WASF3: variants seen among roughly 807,000 people sequenced by gnomAD.
WASF3 encodes the protein actin-binding protein WASF3.
Under a neutral mutation model 46.6 loss-of-function variants are expected in WASF3, and 11 were observed. The observed-to-expected ratio is 0.24, with a 90% CI of 0.15 to 0.39. The LOEUF (loss-of-function observed/expected upper bound fraction) is 0.39. Among genes scored for constraint, WASF3 ranks in the 10% least tolerant of loss-of-function variants. The pLI is 1.00. For synonymous variants in WASF3, 242 were observed against 259.7 expected, an observed-to-expected ratio of 0.93 and a Z score of 0.65; for missense variants, 576 against 669.8, an observed-to-expected ratio of 0.86 and a Z score of 1.55.
chr13:26,681,460 T>G, intron 8 of WASF3, 140 bp downstream of exon 8: 15 of 1,051,306 alleles, frequency 1.4e-5, no homozygotes, highest in South Asian at 3.6e-5. Flanking sequence ...CTAGCAACTC[T>G]AACATTCTGT....
intron 7 of WASF3, among the ~76,000 whole-genome samples, chr13:26,678,330 T>C (rs564109617): frequency 6.6e-6 from 1 of 152,294 alleles, no homozygotes; most frequent in Non-Finnish European, 1.5e-5. Flanking sequence ...ATCTGGAAGT[T>C]ACAGGAAAAA....
intron 1 of WASF3, among the ~76,000 whole-genome samples, chr13:26,601,644 A>G (rs635645): frequency 0.014 from 2,099 of 152,368 alleles, 55 homozygotes; most frequent in African/African-American, 0.047. Context: ...GAGGATTTCA[A>G]ATATCAGAAT....
chr13:26,629,027 C>A lies in WASF3; in HGVS notation c.-10-13234C>A, dbSNP rs906303007. Among the ~76,000 whole-genome samples the A allele has an allele frequency of 2.6e-5, 4 of 152,268 alleles. No homozygotes were observed. In the East Asian group the frequency reaches 7.7e-4, roughly 29 times the overall value. On this transcript the variant is annotated intron_variant, in intron 2 of 9. Transcript: ENST00000335327. ...TGGCCCAGCGTTCATTGGGATGGAC[C>A]CGCGTTGGGTGGTTTGATATGTGAT...
Position 26,576,706 on chromosome 13 carries a change from T to C in WASF3, c.-109+18887T>C, listed in dbSNP as rs1451033191. Among the ~76,000 whole-genome samples, 3 of 152,234 alleles carry C rather than the reference T, an allele frequency of 2.0e-5. No homozygotes were observed. In the East Asian group the frequency reaches 5.8e-4, roughly 29 times the overall value. On this transcript the variant is annotated intron_variant, in intron 1 of 9. Transcript: ENST00000335327. ...CATTTTTCATAGTTTGTTGTTAGTA[T>C]GTAGAATTACAGTTAACTTTAAAAA...
chr13:26,563,127 T>C (rs1192174039), intron 1 of WASF3, among the ~76,000 whole-genome samples: 1 of 151,810 alleles, frequency 6.6e-6, no homozygotes, highest in Non-Finnish European at 1.5e-5. Context: ...TTTGCTGTCC[T>C]GTTCTGACAG....
chr13:26,685,979 C>A lies in WASF3; in HGVS notation c.*134C>A. ...ACAATGTGATATTGCTTCTGCACAT[C>A]CAAAAATTCTGGGTCTTTTCAGTAT... On this transcript the variant is annotated 3_prime_UTR_variant, in exon 10 of 10. Coordinates refer to ENST00000335327, the MANE Select transcript of WASF3 (RefSeq NM_006646.6). The A allele has an allele frequency of 7.9e-7, 1 of 1,266,384 alleles. No individual in the cohort carries two copies. The highest frequency in any genetic ancestry group is 2.5e-4 in the Middle Eastern group (1 of 4,020). The allele number at this position is 1,266,384 out of a possible 1,614,324, so 78.4% of individuals were successfully genotyped here. A position where few individuals can be genotyped will look rare whatever the true frequency, so the allele number is the denominator to read the frequency against.
chr13:26,608,206 G>T (rs1880862170), intron 1 of WASF3, among the ~76,000 whole-genome samples: 1 of 152,124 alleles, frequency 6.6e-6, no homozygotes. Context: ...GCCATATCAG[G>T]CATGGGTTCC....
chr13:26,684,910 C>CT (rs959684379), intron 9 of WASF3, among the ~76,000 whole-genome samples: 1 of 152,088 alleles, frequency 6.6e-6, no homozygotes, highest in East Asian at 1.9e-4. Context: ...TTGCAAGACT[C>CT]TATCTCTACA....
Position 26,682,866 on chromosome 13 carries a change from T to C in WASF3, c.1243T>C (p.Ser415Pro), listed in dbSNP as rs1419402808. Reference sequence around the variant, plus strand: ...CCCTCCTGGTCCCGGGTCTTCTCTTTCGTCCTCCCCAATGCATGGCCCCCC... The same window carrying C: ...CCCTCCTGGTCCCGGGTCTTCTCTTCCGTCCTCCCCAATGCATGGCCCCCC... ...PGPPGPGSSL[S>P]SSPMHGPPVA... Residue 415 changes from serine (S) to proline (P), a missense_variant, in exon 9 of 10, where the codon TCG becomes CCG. This residue lies in a region of WASF3 where 295 missense variants were observed against 291.5 expected (regional missense o/e 1.01). Coordinates refer to ENST00000335327, the MANE Select transcript of WASF3 (RefSeq NM_006646.6). The surrounding 1 kb of genome is among the most constrained non-coding windows in gnomAD (Gnocchi z 4.4). 1.9e-6 allele frequency: 3 copies of C among 1,611,924 alleles called. No individual in the cohort carries two copies. The highest frequency in any genetic ancestry group is 4.5e-5 in the East Asian group (2 of 44,844).
At chr13:26,557,677 G>A, upstream of WASF3, 1 of 162,066 alleles carries the variant, frequency 6.2e-6, no homozygotes, top group South Asian at 1.9e-4. Context: ...GGGCGTGGCC[G>A]CGGCCGTGGA....
At chr13:26,627,611 A>G (rs1194995038) in intron 2 of WASF3, among the ~76,000 whole-genome samples, 1 of 152,176 alleles carries the variant, frequency 6.6e-6, no homozygotes, top group Non-Finnish European at 1.5e-5. Context: ...TGAAGGGACA[A>G]TTAAAACGAA....
intron 3 of WASF3, among the ~76,000 whole-genome samples, chr13:26,663,893 A>G (rs1882700502): frequency 6.6e-6 from 1 of 152,216 alleles, no homozygotes; most frequent in Non-Finnish European, 1.5e-5. Flanking sequence ...TATTTCTGCC[A>G]TGTACTAGCC....
chr13:26,652,845 AT>A (rs1439501772), intron 3 of WASF3, among the ~76,000 whole-genome samples: 1 of 152,190 alleles, frequency 6.6e-6, no homozygotes, highest in Non-Finnish European at 1.5e-5. Context: ...ATAGAGAAAA[AT>A]TTGTAGCTTT....
At chr13:26,594,275 A>G (rs1223450741) in intron 1 of WASF3, among the ~76,000 whole-genome samples, 1 of 152,174 alleles carries the variant, frequency 6.6e-6, no homozygotes, top group African/African-American at 2.4e-5. Context: ...TCCAAGGTCT[A>G]ACTCTGCATT....
chr13:26,591,532 G>A (rs1441246248), intron 1 of WASF3, among the ~76,000 whole-genome samples: 1 of 152,144 alleles, frequency 6.6e-6, no homozygotes, highest in Admixed American at 6.5e-5. Flanking sequence ...GACTTGAGCA[G>A]CTGAGATATG....
At chr13:26,583,902 C>T (rs1377988931) in intron 1 of WASF3, among the ~76,000 whole-genome samples, 1 of 152,200 alleles carries the variant, frequency 6.6e-6, no homozygotes, top group African/African-American at 2.4e-5. Flanking sequence ...AGTGCAGAAG[C>T]TGAAATGGCT....
At chr13:26,637,670 T>C (rs1411653839) in intron 2 of WASF3, among the ~76,000 whole-genome samples, 1 of 152,240 alleles carries the variant, frequency 6.6e-6, no homozygotes, top group African/African-American at 2.4e-5. Flanking sequence ...CTGGAATTTT[T>C]CCACTGAATC....
intron 1 of WASF3, among the ~76,000 whole-genome samples, chr13:26,558,159 C>G (rs913294096): frequency 1.3e-5 from 2 of 151,960 alleles, no homozygotes; most frequent in Admixed American, 1.3e-4. Flanking sequence ...CACCCGCCCT[C>G]CCCGCCGTAA....
At chr13:26,634,601 G>A (rs1009299707) in intron 2 of WASF3, among the ~76,000 whole-genome samples, 6 of 152,158 alleles carry the variant, frequency 3.9e-5, no homozygotes, top group Admixed American at 2.0e-4. Flanking sequence ...TTACAATTTG[G>A]CATGTTTTTG....
Sources: allele counts gnomAD v4.1 joint callset (sites outside exome capture counted in the v4.1 genomes callset), GRCh38; gene constraint gnomAD v4.1.1; regional missense constraint gnomAD v4.1.1; non-coding constraint Gnocchi (gnomAD v3.1); transcripts MANE v1.5; gene names NCBI Gene and HGNC (gene_info 2026-07-23, HGNC 2026-07-21).